BMP7: variants seen among roughly 807,000 people sequenced by gnomAD.
BMP7 encodes osteogenic protein 1.
A neutral mutation model predicts 41.2 loss-of-function variants in BMP7; 12 were observed. The ratio of observed to expected loss-of-function variants is 0.29; its 90% CI spans 0.19 to 0.47. BMP7 has a LOEUF of 0.47. Ranked by LOEUF, BMP7 falls within the 20% of genes least tolerant of loss-of-function variation. The probability of loss-of-function intolerance (pLI) is 0.99; values close to 1 mark genes in which losing one functional copy is unlikely to be tolerated. For synonymous variants in BMP7, 248 were observed against 250.0 expected (o/e 0.99, Z 0.07); for missense variants, 467 against 606.0 (o/e 0.77, Z 2.41).
At position 57,224,907 on chromosome 20, in the gene BMP7, G is replaced by A. The variant is rs1402821589; in HGVS notation, c.611+3322C>T. The A allele has an allele frequency of 6.6e-6, 1 of 152,310 alleles. No homozygotes were observed. Among genetic ancestry groups the A allele is most frequent in the Non-Finnish European group, 1.5e-5 (1 of 68,082 alleles). 9.4% of individuals were successfully genotyped at this position (152,310 alleles called of 1,614,324 possible). On this transcript the variant is annotated intron_variant, in intron 2 of 6. Transcript: ENST00000395863. This position sits in a 1 kb window ranked among gnomAD's most constrained non-coding sequence, Gnocchi z 4.8. Reference sequence around the variant, plus strand: ...TCGGAATTTAATCTGGATTCCGAGAGATCAAGAGGAGTCAGTGGAAAGTGA... The same window carrying A: ...TCGGAATTTAATCTGGATTCCGAGAAATCAAGAGGAGTCAGTGGAAAGTGA...
intron 3 of BMP7, 35 bp downstream of exon 3, chr20:57,202,440 G>A (rs1351670112): frequency 6.3e-7 from 1 of 1,598,338 alleles, no homozygotes; most frequent in Admixed American, 1.7e-5. Flanking sequence ...AGGAGCACAG[G>A]CTGCATTAGG....
chr20:57,256,708 A>C (rs2066135495), intron 1 of BMP7, among the ~76,000 whole-genome samples: 1 of 152,074 alleles, frequency 6.6e-6, no homozygotes, highest in Non-Finnish European at 1.5e-5. Context: ...CATTTCTACT[A>C]AAAATAAAAA....
At position 57,219,229 on chromosome 20, in the gene BMP7, G is replaced by C. The variant is rs562784302; in HGVS notation, c.611+9000C>G. ...TTTGTTCGGTGGTAGGTGGTGTTTGGTGGTAGCTGGTGTTTGCTGGTAGCT... is the reference window on the plus strand; with the variant it reads ...TTTGTTCGGTGGTAGGTGGTGTTTGCTGGTAGCTGGTGTTTGCTGGTAGCT... On this transcript the variant is annotated intron_variant, in intron 2 of 6. Transcript: ENST00000395863. 2.0e-4 allele frequency among the ~76,000 whole-genome samples: 29 copies of C among 144,578 alleles called. No individual in the cohort carries two copies. The East Asian group carries it at 5.2e-3, about 26-fold the overall frequency. The allele number at this position is 144,578 out of a possible 152,430, so 94.8% of individuals were successfully genotyped here. A position where few individuals can be genotyped will look rare whatever the true frequency, so the allele number is the denominator to read the frequency against.
intron 2 of BMP7, among the ~76,000 whole-genome samples, chr20:57,209,249 T>TTTTATATATATA (rs1407204884): frequency 9.5e-5 from 9 of 94,876 alleles, no homozygotes; most frequent in African/African-American, 3.1e-4. Context: ...TTATATATTT[T>TTTTATATATATA]TATATATATA....
chr20:57,258,161 A>C (rs2066141100), intron 1 of BMP7, among the ~76,000 whole-genome samples: 2 of 152,252 alleles, frequency 1.3e-5, no homozygotes, highest in African/African-American at 2.4e-5. Flanking sequence ...TCAGAGATGC[A>C]GGGAAACCTA....
chr20:57,262,771 T>C (rs1014913362), intron 1 of BMP7, among the ~76,000 whole-genome samples: 2 of 152,218 alleles, frequency 1.3e-5, no homozygotes, highest in Non-Finnish European at 2.9e-5. Context: ...TAGTTTGATA[T>C]GTGCAAGTGA....
At chr20:57,203,415 G>A (rs1984666545) in intron 2 of BMP7, among the ~76,000 whole-genome samples, 1 of 152,122 alleles carries the variant, frequency 6.6e-6, no homozygotes, top group Non-Finnish European at 1.5e-5. Flanking sequence ...GTGGGTGAAT[G>A]AGTGGATGGA....
At position 57,171,206 on chromosome 20, in the gene BMP7, T is replaced by C; in HGVS notation, c.1147-98A>G. The C allele has an allele frequency of 6.5e-7, 1 of 1,541,886 alleles. No homozygotes were observed. The highest frequency in any genetic ancestry group is 2.3e-5 in the East Asian group (1 of 43,866). On this transcript the variant is annotated intron_variant, in intron 6 of 6. Coordinates refer to ENST00000395863, the MANE Select transcript of BMP7 (RefSeq NM_001719.3). The surrounding 1 kb of genome is among the most constrained non-coding windows in gnomAD (Gnocchi z 4.5). ...AAAGAAACATCCTGTCTGGGCATAA[T>C]GAATGACTGCAGGTGACACTCCCCA...
chr20:57,251,933 C>CA (rs894315347), intron 1 of BMP7, among the ~76,000 whole-genome samples: 15 of 151,974 alleles, frequency 9.9e-5, no homozygotes, highest in Non-Finnish European at 2.2e-4. Context: ...GGCTCTGTCT[C>CA]AAAAAAACAA....
intron 1 of BMP7, among the ~76,000 whole-genome samples, chr20:57,244,877 T>C (rs1438199827): frequency 1.3e-5 from 2 of 152,222 alleles, no homozygotes; most frequent in Non-Finnish European, 2.9e-5. Flanking sequence ...CAGACACAGC[T>C]GGTTTAAGGT....
At chr20:57,181,867 C>T (rs1984089853) in intron 4 of BMP7, among the ~76,000 whole-genome samples, 1 of 152,338 alleles carries the variant, frequency 6.6e-6, no homozygotes, top group Non-Finnish European at 1.5e-5. Context: ...TATTGGAAGG[C>T]CAGCTGATTA....
rs761528013 is a variant in BMP7 at position 57,266,278 on chromosome 20, G to T, written c.-156C>A. ...ACATGGCCCCTCCCCGGCCGGCCGC[G>T]CTCTGCCCGGACCCCCGCCCCCTGC... On this transcript the variant is annotated 5_prime_UTR_variant, in exon 1 of 7. Transcript: ENST00000395863. 2 of 644,610 alleles carry T rather than the reference G, an allele frequency of 3.1e-6. No homozygotes were observed. Among genetic ancestry groups the T allele is most frequent in the Non-Finnish European group, 4.4e-6 (2 of 452,430 alleles). 39.9% of individuals were successfully genotyped at this position (644,610 alleles called of 1,614,324 possible). A position where few individuals can be genotyped will look rare whatever the true frequency, so the allele number is the denominator to read the frequency against.
chr20:57,207,314 C>T (rs1405914659), intron 2 of BMP7, among the ~76,000 whole-genome samples: 1 of 152,208 alleles, frequency 6.6e-6, no homozygotes, highest in Non-Finnish European at 1.5e-5. Context: ...AAAACCAAGC[C>T]AGTCCCCAGT....
intron 4 of BMP7, among the ~76,000 whole-genome samples, chr20:57,179,163 C>G (rs563011874): frequency 6.6e-6 from 1 of 152,330 alleles, no homozygotes; most frequent in East Asian, 1.9e-4. Flanking sequence ...GCTGTCCCAG[C>G]AGAAAGTGGC....
intron 1 of BMP7, among the ~76,000 whole-genome samples, chr20:57,230,076 C>T (rs554186675): frequency 6.6e-6 from 1 of 152,126 alleles, no homozygotes; most frequent in Non-Finnish European, 1.5e-5. Flanking sequence ...GACCTTTGAA[C>T]CACAGCTGCT....
Position 57,217,715 on chromosome 20 carries a change from G to A in BMP7, c.611+10514C>T, listed in dbSNP as rs1776122173. ...AGGAGCCCCAGGGAATGTGGCCACTGAAGGGTAGGTGGCGTCCTGGACAGG... is the reference window on the plus strand; with the variant it reads ...AGGAGCCCCAGGGAATGTGGCCACTAAAGGGTAGGTGGCGTCCTGGACAGG... On this transcript the variant is annotated intron_variant, in intron 2 of 6. Transcript: ENST00000395863. Among the ~76,000 whole-genome samples, 2 of 152,218 alleles carry A rather than the reference G, an allele frequency of 1.3e-5. 1 individual carries two copies. Among genetic ancestry groups the A allele is most frequent in the Admixed American group, 1.3e-4 (2 of 15,288 alleles).
At chr20:57,232,801 T>G (rs997830435) in intron 1 of BMP7, among the ~76,000 whole-genome samples, 1 of 151,544 alleles carries the variant, frequency 6.6e-6, no homozygotes, top group Non-Finnish European at 1.5e-5. Context: ...CATTGTCACA[T>G]GTTCTGAAAA....
intron 4 of BMP7, among the ~76,000 whole-genome samples, chr20:57,178,216 G>A (rs953720212): frequency 1.3e-5 from 2 of 152,194 alleles, no homozygotes; most frequent in Non-Finnish European, 1.5e-5. Flanking sequence ...CAGTGGGGAC[G>A]AGGCGCCCTC....
chr20:57,195,754 C>A (rs1984477207), intron 3 of BMP7, among the ~76,000 whole-genome samples: 1 of 152,236 alleles, frequency 6.6e-6, no homozygotes, highest in African/African-American at 2.4e-5. Context: ...GCTCTGCAAT[C>A]CCATCCAATT....
Sources: gnomAD v4.1 joint callset for allele counts (sites outside exome capture counted in the v4.1 genomes callset) on GRCh38, gnomAD v4.1.1 for gene constraint, Gnocchi (gnomAD v3.1) non-coding constraint, MANE v1.5 for transcripts, NCBI Gene and HGNC (gene_info 2026-07-23, HGNC 2026-07-21) for gene names.